Variants in TNIK observed in about 807,000 individuals in gnomAD.
The protein encoded by TNIK is TRAF2 and NCK interacting kinase, also known as TRAF2 and NCK-interacting protein kinase.
TNIK carries 49 observed loss-of-function variants against 191.3 expected under a neutral mutation model. That is an observed-to-expected ratio of 0.26 (90% CI 0.20 to 0.32). TNIK has a LOEUF of 0.32. TNIK is among the 10% of genes least tolerant of loss of function. TNIK has a pLI of 1.00. For missense variants in TNIK, 1,155 were observed against 1,702.3 expected (o/e 0.68, Z 5.66); for synonymous variants, 594 against 600.9 (o/e 0.99, Z 0.17).
chr3:171,195,873 T>C (rs1738620363), intron 4 of TNIK, among the ~76,000 whole-genome samples: 1 of 152,074 alleles, frequency 6.6e-6, no homozygotes, highest in African/African-American at 2.4e-5. Context: ...GAAATTACAA[T>C]ATGTAATAGC....
chr3:171,132,041 T>C (rs1729378014), intron 15 of TNIK, among the ~76,000 whole-genome samples: 1 of 152,174 alleles, frequency 6.6e-6, no homozygotes, highest in Non-Finnish European at 1.5e-5. Flanking sequence ...CAACAAGATA[T>C]GTTTCAATGC....
Position 171,062,972 on chromosome 3 carries a change from G to A in TNIK, c.*909C>T, listed in dbSNP as rs2108292207. 1 of 152,264 alleles carries A rather than the reference G, an allele frequency of 6.6e-6. No individual in the cohort carries two copies. Among genetic ancestry groups the A allele is most frequent in the East Asian group, 1.9e-4 (1 of 5,182 alleles). 9.4% of individuals were successfully genotyped at this position (152,264 alleles called of 1,614,324 possible). A position where few individuals can be genotyped will look rare whatever the true frequency, so the allele number is the denominator to read the frequency against. On this transcript the variant is annotated 3_prime_UTR_variant, in exon 33 of 33. Transcript: ENST00000436636. ...ATTTTAAAAAAGACTATGTAAGCTT[G>A]TTTCCCAGAAGCTCTTTCTGTCTGA...
intron 1 of TNIK, among the ~76,000 whole-genome samples, chr3:171,409,719 C>T (rs990772311): frequency 1.0e-4 from 15 of 149,994 alleles, no homozygotes; most frequent in East Asian, 3.9e-4. Flanking sequence ...ACATACATCA[C>T]ATGGGTGTCA....
At chr3:171,278,099 T>C (rs1749980771) in intron 2 of TNIK, among the ~76,000 whole-genome samples, 2 of 152,168 alleles carry the variant, frequency 1.3e-5, no homozygotes, top group Non-Finnish European at 2.9e-5. Context: ...GCTCACCCGA[T>C]GGGGACGAAC....
chr3:171,138,421 A>T (rs764143325), intron 14 of TNIK, 42 bp from the exon 15 acceptor site: 17 of 1,465,170 alleles, frequency 1.2e-5, no homozygotes, highest in Admixed American at 2.8e-5. Flanking sequence ...AGGCCAAATT[A>T]TCACATAGAA....
At chr3:171,373,921 T>C (rs1156434725) in intron 1 of TNIK, among the ~76,000 whole-genome samples, 1 of 152,212 alleles carries the variant, frequency 6.6e-6, no homozygotes, top group Non-Finnish European at 1.5e-5. Flanking sequence ...AGCTCTATGA[T>C]AACCATTTTC....
chr3:171,347,221 G>A lies in TNIK; in HGVS notation c.123+22399C>T, dbSNP rs1409146759. On this transcript the variant is annotated intron_variant, in intron 2 of 32. Coordinates refer to ENST00000436636, the MANE Select transcript of TNIK (RefSeq NM_015028.4). Reference sequence around the variant, plus strand: ...CCCTTCACTCACTGGTTCATTTGCTGAAAAAAAAAAAAAAAGAAAAGAAAA... The same window carrying A: ...CCCTTCACTCACTGGTTCATTTGCTAAAAAAAAAAAAAAAAGAAAAGAAAA... 550 of 1,418,104 alleles carry A rather than the reference G, an allele frequency of 3.9e-4. 1 individual carries two copies. The highest frequency in any genetic ancestry group is 8.5e-4 in the South Asian group (64 of 74,878). 87.8% of individuals were successfully genotyped at this position (1,418,104 alleles called of 1,614,324 possible). A position where few individuals can be genotyped will look rare whatever the true frequency, so the allele number is the denominator to read the frequency against.
intron 2 of TNIK, among the ~76,000 whole-genome samples, chr3:171,313,454 T>G (rs548772899): frequency 6.6e-6 from 1 of 152,274 alleles, no homozygotes; most frequent in Admixed American, 6.5e-5. Flanking sequence ...AGAAATAGCT[T>G]ACTCTGTTTT....
intron 4 of TNIK, among the ~76,000 whole-genome samples, chr3:171,203,332 C>T (rs1251053432): frequency 2.6e-5 from 4 of 152,102 alleles, no homozygotes; most frequent in African/African-American, 4.8e-5. Context: ...CTTAGTTCAT[C>T]CCAGTATCTT....
rs867552046 is a variant in TNIK, at chr3:171,191,954, T to C, written c.418-1167A>G. Among the ~76,000 whole-genome samples, 33 of 152,334 alleles carry C rather than the reference T, an allele frequency of 2.2e-4. No individual in the cohort carries two copies. In the Middle Eastern group the frequency reaches 0.01, roughly 47 times the overall value. On this transcript the variant is annotated intron_variant, in intron 5 of 32. Transcript: ENST00000436636. ...ATGTATCGGGTCCCCGAGTGTTCTTTATTACCTTTAATTTTTTGTGCTTTT... is the reference window on the plus strand; with the variant it reads ...ATGTATCGGGTCCCCGAGTGTTCTTCATTACCTTTAATTTTTTGTGCTTTT...
In TNIK at chr3:171,415,973, C is replaced by CAAAAA. The variant is rs769531813; in HGVS notation, c.57+44029_57+44033dup. Among the ~76,000 whole-genome samples, 66 of 12,526 alleles carry CAAAAA rather than the reference C, an allele frequency of 5.3e-3. 3 individuals are homozygous for CAAAAA. The highest frequency in any genetic ancestry group is 0.011 in the African/African-American group (27 of 2,434). The allele number at this position is 12,526 out of a possible 152,430, so 8.2% of individuals were successfully genotyped here. ...CCTGGGTGACAGAGCGAGACTGTCT[C>CAAAAA]AAAAAAAAAAAAAAAAAAAAAAAAG... On this transcript the variant is annotated intron_variant, in intron 1 of 32. Transcript: ENST00000436636.
At chr3:171,358,969 T>C (rs1260305175) in intron 2 of TNIK, among the ~76,000 whole-genome samples, 1 of 152,122 alleles carries the variant, frequency 6.6e-6, no homozygotes, top group African/African-American at 2.4e-5. Flanking sequence ...TAGTAGGGTA[T>C]GGGGAGTTAA....
chr3:171,283,490 T>C (rs189784329), intron 2 of TNIK, among the ~76,000 whole-genome samples: 330 of 152,276 alleles, frequency 2.2e-3, no homozygotes, highest in Middle Eastern at 0.01. Context: ...AGCATCACCA[T>C]TCACCAAGGA....
intron 8 of TNIK, among the ~76,000 whole-genome samples, chr3:171,176,033 T>C (rs549224771): frequency 6.6e-6 from 1 of 152,352 alleles, no homozygotes; most frequent in South Asian, 2.1e-4. Context: ...CATATGTTCT[T>C]ATTTTAATAA....
intron 12 of TNIK, among the ~76,000 whole-genome samples, chr3:171,155,923 C>T (rs1733109525): frequency 6.6e-6 from 1 of 152,198 alleles, no homozygotes; most frequent in Non-Finnish European, 1.5e-5. Flanking sequence ...TCTTCTCAAC[C>T]TTTAACAAGT....
intron 2 of TNIK, among the ~76,000 whole-genome samples, chr3:171,278,002 G>C (rs1029994648): frequency 2.6e-5 from 4 of 152,158 alleles, no homozygotes; most frequent in Non-Finnish European, 5.9e-5. Flanking sequence ...CACTCCAGCA[G>C]GGGTGACAGA....
intron 1 of TNIK, among the ~76,000 whole-genome samples, chr3:171,389,414 G>A (rs1298402868): frequency 2.6e-5 from 4 of 152,126 alleles, no homozygotes; most frequent in Non-Finnish European, 5.9e-5. Flanking sequence ...CCGAGTGCCT[G>A]CTCTGTGCCA....
At chr3:171,143,249 A>C (rs1731095303) in intron 12 of TNIK, among the ~76,000 whole-genome samples, 1 of 152,198 alleles carries the variant, frequency 6.6e-6, no homozygotes, top group African/African-American at 2.4e-5. Context: ...GCTGTGTCTC[A>C]ATGTTAATGC....
chr3:171,353,436 T>A (rs1180416965), intron 2 of TNIK, among the ~76,000 whole-genome samples: 2 of 152,212 alleles, frequency 1.3e-5, no homozygotes, highest in Non-Finnish European at 2.9e-5. Flanking sequence ...GGAAGCCTGC[T>A]ACCGAGCCTT....
Sources: gnomAD v4.1 joint callset for allele counts (sites outside exome capture counted in the v4.1 genomes callset) on GRCh38, gnomAD v4.1.1 for gene constraint, MANE v1.5 for transcripts, NCBI Gene and HGNC (gene_info 2026-07-23, HGNC 2026-07-21) for gene names.